SLIT2: variants seen among roughly 807,000 people sequenced by gnomAD.
SLIT2 encodes slit homolog 2 protein.
Under a neutral mutation model 185.7 loss-of-function variants are expected in SLIT2, and 41 were observed. That is an observed-to-expected ratio of 0.22 (90% CI 0.17 to 0.29). The LOEUF (loss-of-function observed/expected upper bound fraction) is 0.29, where lower values mean the gene tolerates loss of function less well. SLIT2 is among the 10% of genes least tolerant of loss of function. SLIT2 has a pLI of 1.00. For missense variants in SLIT2, 1,571 were observed against 1,909.0 expected (o/e 0.82, Z 3.30); for synonymous variants, 693 against 680.2 (o/e 1.02, Z -0.29).
At chr4:20,557,208 C>G (rs1724337297) in intron 26 of SLIT2, among the ~76,000 whole-genome samples, 1 of 152,022 alleles carries the variant, frequency 6.6e-6, no homozygotes, top group South Asian at 2.1e-4. Flanking sequence ...AAGGTGGTGA[C>G]ACTGTTAAAC....
At chr4:20,415,941 C>T (rs954043296) in intron 4 of SLIT2, among the ~76,000 whole-genome samples, 1 of 152,036 alleles carries the variant, frequency 6.6e-6, no homozygotes, top group Non-Finnish European at 1.5e-5. Flanking sequence ...AATTCTTATC[C>T]TCAGTTCCAA....
At chr4:20,396,227 A>T (rs1254180833) in intron 4 of SLIT2, among the ~76,000 whole-genome samples, 1 of 151,958 alleles carries the variant, frequency 6.6e-6, no homozygotes, top group East Asian at 1.9e-4. Context: ...TATTTAACAA[A>T]CACCATGTAG....
chr4:20,445,155 T>C (rs1711622854), intron 4 of SLIT2, among the ~76,000 whole-genome samples: 1 of 152,190 alleles, frequency 6.6e-6, no homozygotes, highest in Non-Finnish European at 1.5e-5. Flanking sequence ...CAGAGAGGTC[T>C]GCACCCAACC....
intron 4 of SLIT2, among the ~76,000 whole-genome samples, chr4:20,290,441 A>C (rs1329207951): frequency 6.6e-6 from 1 of 152,246 alleles, no homozygotes; most frequent in Non-Finnish European, 1.5e-5. Flanking sequence ...GAGATAATTT[A>C]AAGTCTATGA....
chr4:20,336,781 G>T (rs1280545283), intron 4 of SLIT2, among the ~76,000 whole-genome samples: 1 of 152,166 alleles, frequency 6.6e-6, no homozygotes, highest in Non-Finnish European at 1.5e-5. Flanking sequence ...CAAGTGTGAG[G>T]GGCTGCCTGC....
chr4:20,519,659 A>G (rs574944437), intron 12 of SLIT2, among the ~76,000 whole-genome samples: 1 of 152,278 alleles, frequency 6.6e-6, no homozygotes, highest in African/African-American at 2.4e-5. Context: ...AACCAATTTT[A>G]TCTACACTAT....
chr4:20,539,371 G>T, intron 18 of SLIT2, 70 bp from the exon 19 acceptor site: 3 of 1,404,230 alleles, frequency 2.1e-6, no homozygotes, highest in South Asian at 2.7e-5. Flanking sequence ...GGATCATTTC[G>T]ATCCTCAGAT....
chr4:20,525,962 C>T lies in SLIT2; in HGVS notation c.1462+790C>T, dbSNP rs540634376. On this transcript the variant is annotated intron_variant, in intron 15 of 36. Transcript: ENST00000504154. The stretch of plus-strand genomic sequence containing the variant: ...ATTCTAGAACTAGCTCTTTAAAATA[C>T]GTTTCTTTACTTATTTTTCCTTGCC... Among the ~76,000 whole-genome samples the T allele has an allele frequency of 7.2e-5, 11 of 152,192 alleles. No individual in the cohort carries two copies. In the South Asian group the frequency reaches 1.9e-3, roughly 26 times the overall value.
intron 4 of SLIT2, among the ~76,000 whole-genome samples, chr4:20,274,105 A>C (rs903756070): frequency 6.6e-6 from 1 of 152,184 alleles, no homozygotes; most frequent in African/African-American, 2.4e-5. Flanking sequence ...CTGTGTTCTA[A>C]TTTGGTGTAA....
intron 9 of SLIT2, among the ~76,000 whole-genome samples, chr4:20,503,747 T>C (rs1718951072): frequency 1.3e-5 from 2 of 152,146 alleles, no homozygotes; most frequent in Non-Finnish European, 2.9e-5. Context: ...TTCTCTCCTA[T>C]AAAAACACCA....
chr4:20,291,981 T>G (rs1004902459), intron 4 of SLIT2, among the ~76,000 whole-genome samples: 1 of 151,888 alleles, frequency 6.6e-6, no homozygotes, highest in African/African-American at 2.4e-5. Flanking sequence ...TTCCTGCGTA[T>G]GTGCTGAAGA....
chr4:20,302,768 C>G (rs570236846), intron 4 of SLIT2, among the ~76,000 whole-genome samples: 6 of 152,228 alleles, frequency 3.9e-5, no homozygotes, highest in African/African-American at 1.4e-4. Context: ...TTCTAGAAGG[C>G]CTTGGTGCAA....
chr4:20,431,587 T>C (rs1468663940), intron 4 of SLIT2, among the ~76,000 whole-genome samples: 1 of 152,078 alleles, frequency 6.6e-6, no homozygotes. Flanking sequence ...GAAAAGTGAT[T>C]AAAGTTCCCT....
chr4:20,256,761 ATT>A lies in SLIT2; in HGVS notation c.251+22_251+23del. The stretch of plus-strand genomic sequence containing the variant: ...AGAGTTCTGTAAGTGCATCCTCTGT[ATT>A]TTTAAATAATTTTTTAAGGTTGCAT... On this transcript the variant is annotated intron_variant, in intron 2 of 36. Transcript: ENST00000504154. The A allele has an allele frequency of 7.8e-7, 1 of 1,279,800 alleles. No homozygotes were observed. Among genetic ancestry groups the A allele is most frequent in the Non-Finnish European group, 1.1e-6 (1 of 904,890 alleles). 79.3% of individuals were successfully genotyped at this position (1,279,800 alleles called of 1,614,324 possible). A position where few individuals can be genotyped will look rare whatever the true frequency, so the allele number is the denominator to read the frequency against.
Position 20,266,193 on chromosome 4 carries a change from C to A in SLIT2, c.324-2617C>A, listed in dbSNP as rs569072587. On this transcript the variant is annotated intron_variant, in intron 3 of 36. Transcript: ENST00000504154. ...GGATAATAATTAAGAAAAAAAAAAA[C>A]CACTTCTTGTATCCAGTCTGAAAAA... 7.0e-4 allele frequency among the ~76,000 whole-genome samples: 106 copies of A among 151,622 alleles called. 1 individual carries two copies. Among genetic ancestry groups the A allele is most frequent in the East Asian group, 5.4e-3 (28 of 5,142 alleles).
intron 4 of SLIT2, among the ~76,000 whole-genome samples, chr4:20,351,898 G>A (rs1721910726): frequency 6.6e-6 from 1 of 152,146 alleles, no homozygotes; most frequent in African/African-American, 2.4e-5. Flanking sequence ...TCTCTCTGAT[G>A]GGGGTGTTGA....
intron 4 of SLIT2, among the ~76,000 whole-genome samples, chr4:20,330,351 G>A (rs960684685): frequency 3.9e-5 from 6 of 152,122 alleles, no homozygotes; most frequent in African/African-American, 1.4e-4. Flanking sequence ...AAATGTAACT[G>A]TGCAAAGTAT....
At position 20,412,376 on chromosome 4, in the gene SLIT2, G is replaced by C. The variant is rs558516483; in HGVS notation, c.396-55376G>C. Among the ~76,000 whole-genome samples the C allele has an allele frequency of 5.3e-4, 80 of 152,186 alleles. No individual in the cohort carries two copies. In the South Asian group the frequency reaches 0.015, roughly 28 times the overall value. ...CTCTTAACTCATTAAGTGTAGTTTA[G>C]TGTAAATTAATCATCTTATAAGAGA... On this transcript the variant is annotated intron_variant, in intron 4 of 36. Transcript: ENST00000504154.
intron 4 of SLIT2, among the ~76,000 whole-genome samples, chr4:20,442,471 C>A (rs1048827419): frequency 6.5e-5 from 9 of 137,496 alleles, no homozygotes; most frequent in African/African-American, 2.2e-4. Flanking sequence ...TTGCAGTGAG[C>A]TGAGATCGCG....
Sources: allele counts gnomAD v4.1 joint callset (sites outside exome capture counted in the v4.1 genomes callset), GRCh38; gene constraint gnomAD v4.1.1; transcripts MANE v1.5; gene names NCBI Gene and HGNC (gene_info 2026-07-23, HGNC 2026-07-21).